The following CDC73 variants were observed in gnomAD, a reference collection of about 807,000 sequenced individuals.
CDC73 encodes parafibromin.
CDC73 carries 21 observed loss-of-function variants against 83.7 expected under a neutral mutation model. That is an observed-to-expected ratio of 0.25 (90% CI 0.18 to 0.36). The LOEUF is 0.36. CDC73 is among the 10% of genes least tolerant of loss of function. The probability of loss-of-function intolerance (pLI) is 1.00; values close to 1 mark genes in which losing one functional copy is unlikely to be tolerated. For missense variants in CDC73, 342 were observed against 653.3 expected (o/e 0.52, Z 5.19); for synonymous variants, 224 against 212.9 (o/e 1.05, Z -0.45).
intron 10 of CDC73, among the ~76,000 whole-genome samples, chr1:193,160,757 TG>T (rs1676295107): frequency 6.6e-6 from 1 of 152,136 alleles, no homozygotes; most frequent in Non-Finnish European, 1.5e-5. Context: ...TAATCTTTAA[TG>T]TCCCTTTTAA....
chr1:193,229,163 T>C (rs1677614337), intron 13 of CDC73, among the ~76,000 whole-genome samples: 1 of 152,218 alleles, frequency 6.6e-6, no homozygotes, highest in South Asian at 2.1e-4. Flanking sequence ...TTGGAAAACT[T>C]CCTGGCAGTT....
intron 2 of CDC73, chr1:193,127,959 T>G (rs548650239): frequency 6.6e-6 from 1 of 151,746 alleles, no homozygotes; most frequent in Non-Finnish European, 1.5e-5. Context: ...CCTGGCTAAT[T>G]TTTGTATTTT....
intron 1 of CDC73, among the ~76,000 whole-genome samples, chr1:193,123,149 C>G (rs984441159): frequency 6.6e-6 from 1 of 152,078 alleles, no homozygotes; most frequent in Admixed American, 6.5e-5. Context: ...CTACAACTTC[C>G]CTACTCATTT....
chr1:193,170,700 C>T (rs1362524166), intron 10 of CDC73, among the ~76,000 whole-genome samples: 1 of 152,126 alleles, frequency 6.6e-6, no homozygotes, highest in Non-Finnish European at 1.5e-5. Flanking sequence ...GCATAGTTTG[C>T]AAAAATTTTC....
intron 11 of CDC73, 69 bp downstream of exon 11, chr1:193,203,921 G>C: frequency 8.0e-7 from 1 of 1,246,826 alleles, no homozygotes; most frequent in East Asian, 2.3e-5. Flanking sequence ...TTTAGTATGC[G>C]TATAATGCTT....
rs139406709 is a variant in CDC73 at position 193,229,930 on chromosome 1, A to G, written c.1155-3063A>G. Among the ~76,000 whole-genome samples the G allele has an allele frequency of 6.9e-3, 1,045 of 152,258 alleles. 12 individuals are homozygous for G. The highest frequency in any genetic ancestry group is 0.024 in the African/African-American group (990 of 41,538). On this transcript the variant is annotated intron_variant, in intron 13 of 16. Transcript: ENST00000367435. ...CATTTGACTGAAAGGTATATAAGGA[A>G]ACTTTCTGGTTGACACAGATGTTCT...
chr1:193,177,310 CGA>C (rs1281154899), intron 10 of CDC73, among the ~76,000 whole-genome samples: 4 of 132,676 alleles, frequency 3.0e-5, no homozygotes, highest in Non-Finnish European at 4.6e-5. Context: ...GTCAGGAGAT[CGA>C]GACCGTCCTG....
At chr1:193,194,854 G>A (rs1253776076) in intron 10 of CDC73, among the ~76,000 whole-genome samples, 1 of 151,704 alleles carries the variant, frequency 6.6e-6, no homozygotes, top group African/African-American at 2.4e-5. Context: ...TATTAGTCTG[G>A]GTTCTCTAGA....
At chr1:193,182,098 A>G (rs1020717222) in intron 10 of CDC73, among the ~76,000 whole-genome samples, 2 of 152,198 alleles carry the variant, frequency 1.3e-5, no homozygotes, top group African/African-American at 4.8e-5. Flanking sequence ...GGTATGGTGC[A>G]CAGTCAGAGG....
intron 3 of CDC73, among the ~76,000 whole-genome samples, chr1:193,132,115 A>G (rs1244020871): frequency 1.3e-5 from 2 of 152,238 alleles, no homozygotes; most frequent in Non-Finnish European, 2.9e-5. Flanking sequence ...ATATAATACA[A>G]CTATTGGGTC....
At chr1:193,236,439 A>G (rs1020806700) in intron 15 of CDC73, 83 bp downstream of exon 15, 23 of 883,996 alleles carry the variant, frequency 2.6e-5, no homozygotes, top group Middle Eastern at 2.5e-4. Flanking sequence ...AGTTCTGCGC[A>G]TATGATGTGT....
In CDC73 at chr1:193,164,517, T is replaced by A. The variant is rs184335128; in HGVS notation, c.972+12073T>A. Among the ~76,000 whole-genome samples the A allele has an allele frequency of 9.4e-4, 143 of 152,344 alleles. 2 individuals carry two copies. The highest frequency in any genetic ancestry group is 8.4e-3 in the Admixed American group (128 of 15,290). On this transcript the variant is annotated intron_variant, in intron 10 of 16. Transcript: ENST00000367435. The stretch of plus-strand genomic sequence containing the variant: ...AACAAGGGCACTGGATTCTCACCTC[T>A]AGCACATAACATGTTCTCTGTGTAA...
In CDC73 at chr1:193,253,398, G is replaced by A. The variant is rs888677465; in HGVS notation, c.*2686G>A. The A allele has an allele frequency of 2.2e-5, 5 of 232,230 alleles. No individual in the cohort carries two copies. Among genetic ancestry groups the A allele is most frequent in the African/African-American group, 1.1e-4 (5 of 45,276 alleles). The allele number at this position is 232,230 out of a possible 1,614,324, so 14.4% of individuals were successfully genotyped here. On this transcript the variant is annotated 3_prime_UTR_variant, in exon 17 of 17. Transcript: ENST00000367435. ...TCCTTCTTTTCTGTATGTATGTGTG[G>A]TTTTTGATTTTTTGTTGTTGTTGTT...
At chr1:193,197,882 G>A (rs545720385) in intron 10 of CDC73, among the ~76,000 whole-genome samples, 12 of 139,840 alleles carry the variant, frequency 8.6e-5, no homozygotes, top group Non-Finnish European at 1.3e-4. Flanking sequence ...CTGAGATTGC[G>A]CCACTGCACT....
chr1:193,242,349 TAG>T (rs1677877966), intron 15 of CDC73, among the ~76,000 whole-genome samples: 2 of 152,206 alleles, frequency 1.3e-5, no homozygotes, highest in African/African-American at 4.8e-5. Context: ...CTCCCCTGGC[TAG>T]GATTGCAGGA....
At chr1:193,205,347 A>G (rs1006541116) in intron 11 of CDC73, among the ~76,000 whole-genome samples, 9 of 152,028 alleles carry the variant, frequency 5.9e-5, no homozygotes, top group African/African-American at 1.9e-4. Flanking sequence ...GGATATCCTC[A>G]TTCATAGTAT....
At position 193,252,400 on chromosome 1, in the gene CDC73, AAGATT is replaced by A. The variant is rs1678057854; in HGVS notation, c.*1690_*1694del. 1 of 229,884 alleles carries A rather than the reference AAGATT, an allele frequency of 4.4e-6. No individual in the cohort carries two copies. Among genetic ancestry groups the A allele is most frequent in the Non-Finnish European group, 8.6e-6 (1 of 116,002 alleles). The allele number at this position is 229,884 out of a possible 1,614,324, so 14.2% of individuals were successfully genotyped here. A position where few individuals can be genotyped will look rare whatever the true frequency, so the allele number is the denominator to read the frequency against. ...ACCAGAATCTGTAATATTTTTATGT[AAGATT>A]ACTTGTCAAGACTACTACAAGTCAG... On this transcript the variant is annotated 3_prime_UTR_variant, in exon 17 of 17. Coordinates refer to ENST00000367435, the MANE Select transcript of CDC73 (RefSeq NM_024529.5).
At chr1:193,122,907 T>TCACCAA (rs1675487242) in intron 1 of CDC73, among the ~76,000 whole-genome samples, 4 of 152,102 alleles carry the variant, frequency 2.6e-5, no homozygotes, top group Admixed American at 2.6e-4. Flanking sequence ...GTTAGAGAGG[T>TCACCAA]CTTCAGGAGT....
At chr1:193,249,562 C>T (rs1678010498) in intron 15 of CDC73, among the ~76,000 whole-genome samples, 168 bp from the exon 16 acceptor site, 1 of 151,972 alleles carries the variant, frequency 6.6e-6, no homozygotes, top group Non-Finnish European at 1.5e-5. Flanking sequence ...CCTTATTCCT[C>T]ATTTTAGTGT....
Sources: allele counts gnomAD v4.1 joint callset (sites outside exome capture counted in the v4.1 genomes callset), GRCh38; gene constraint gnomAD v4.1.1; transcripts MANE v1.5; gene names NCBI Gene and HGNC (gene_info 2026-07-23, HGNC 2026-07-21).